The following RTN4 variants were observed in gnomAD, a reference collection of about 807,000 sequenced individuals.
The protein encoded by RTN4 is reticulon 4, also known as reticulon-4.
RTN4 carries 32 observed loss-of-function variants against 90.4 expected under a neutral mutation model. The observed-to-expected ratio is 0.35, with a 90% confidence interval of 0.27 to 0.48. RTN4 has a LOEUF of 0.48. RTN4 is among the 20% of genes least tolerant of loss of function. The pLI, the probability that RTN4 is intolerant of heterozygous loss-of-function variation, is 0.99. For missense variants in RTN4, 1,706 were observed against 1,430.2 expected (o/e 1.19, Z -3.11); for synonymous variants, 629 against 552.5 (o/e 1.14, Z -1.94).
rs1228200642 is a variant in RTN4 at position 55,027,492 on chromosome 2, C to T, written c.614-7G>A. ...TCCTTCAAGTCCATATTTTCTGTGA[C>T]CATGGACAGAAAGGAAAGTTAGAGA... On this transcript the variant is annotated splice_polypyrimidine_tract_variant and splice_region_variant and intron_variant, in intron 2 of 8. Coordinates refer to ENST00000337526, the MANE Select transcript of RTN4 (RefSeq NM_020532.5). 2 of 1,583,818 alleles carry T rather than the reference C, an allele frequency of 1.3e-6. No homozygotes were observed. Among genetic ancestry groups the T allele is most frequent in the Non-Finnish European group, 1.7e-6 (2 of 1,167,320 alleles).
chr2:55,136,886 G>T, the RTN4 span, among the ~76,000 whole-genome samples: 1 of 152,190 alleles, frequency 6.6e-6, no homozygotes, highest in South Asian at 2.1e-4. Context: ...CCTGGGCCAG[G>T]TACAGAGTGG....
chr2:55,026,491 T>C lies in RTN4; in HGVS notation c.1608A>G (p.Thr536=), dbSNP rs771909642. The C allele has an allele frequency of 1.2e-6, 2 of 1,613,990 alleles. No individual in the cohort carries two copies. Among genetic ancestry groups the C allele is most frequent in the Non-Finnish European group, 1.7e-6 (2 of 1,179,932 alleles). The stretch of plus-strand genomic sequence containing the variant: ...TTGCCACGACTTCCTCAGTCACCTT[T>C]GTTAAATTATCTGTTGTGACATAAT... ...ETDYVTTDNL[T]KVTEEVVANM... The change falls in exon 3 of 9, where the codon ACA becomes ACG. Residue 536 remains threonine, a synonymous_variant. Transcript: ENST00000337526.
chr2:55,098,221 G>A (rs1424554575), intron 1 of RTN4, among the ~76,000 whole-genome samples: 1 of 152,100 alleles, frequency 6.6e-6, no homozygotes, highest in Non-Finnish European at 1.5e-5. Context: ...CTGGTGTTTA[G>A]TAAATGTTTG....
At position 55,025,707 on chromosome 2, in the gene RTN4, G is replaced by C. The variant is rs930108444; in HGVS notation, c.2392C>G (p.Pro798Ala). ...LSALPPEGGK[P>A]YLESFKLSLD... ...CTGAGCTTAAAAGATTCCAAATATG[G>C]CTTTCCTCCCTCAGGTGGCAAAGCA... Residue 798 changes from proline to alanine, a missense_variant, in exon 3 of 9, where the codon CCA becomes GCA. Coordinates refer to ENST00000337526, the MANE Select transcript of RTN4 (RefSeq NM_020532.5). The C allele has an allele frequency of 1.2e-6, 2 of 1,613,712 alleles. No individual in the cohort carries two copies. Among genetic ancestry groups the C allele is most frequent in the Non-Finnish European group, 1.7e-6 (2 of 1,179,804 alleles).
chr2:55,115,359 T>C (rs939950829), upstream of RTN4, among the ~76,000 whole-genome samples: 8 of 152,358 alleles, frequency 5.3e-5, no homozygotes, highest in African/African-American at 1.9e-4. Flanking sequence ...CAATAGCTGG[T>C]TGAGTCTTTC....
chr2:55,102,652 G>A (rs1448048700), intron 1 of RTN4, among the ~76,000 whole-genome samples: 4 of 152,058 alleles, frequency 2.6e-5, no homozygotes, highest in Non-Finnish European at 5.9e-5. Flanking sequence ...GCCAGTGCAT[G>A]GTGCTTGGGA....
intron 1 of RTN4, among the ~76,000 whole-genome samples, chr2:55,098,503 C>T (rs7595814): frequency 6.6e-6 from 1 of 152,122 alleles, no homozygotes; most frequent in South Asian, 2.1e-4. Flanking sequence ...AACTCCATTG[C>T]ATATTATTTT....
intron 2 of RTN4, among the ~76,000 whole-genome samples, chr2:55,068,468 G>A (rs1668432136): frequency 6.6e-6 from 1 of 152,132 alleles, no homozygotes; most frequent in African/African-American, 2.4e-5. Flanking sequence ...CATACTCACA[G>A]TGGTGAATAC....
At chr2:55,033,468 A>T (rs1289138014) in intron 1 of RTN4, among the ~76,000 whole-genome samples, 2 of 152,186 alleles carry the variant, frequency 1.3e-5, no homozygotes, top group Non-Finnish European at 1.5e-5. Context: ...GGCAAACCAG[A>T]GCGGGTCATC....
At chr2:55,046,500 CCTGT>C (rs1271493095) in intron 1 of RTN4, among the ~76,000 whole-genome samples, 1 of 152,158 alleles carries the variant, frequency 6.6e-6, no homozygotes, top group Non-Finnish European at 1.5e-5. Context: ...ACCTTCTAAG[CCTGT>C]CTTAGTGTCA....
chr2:55,050,327 G>A lies in RTN4; in HGVS notation c.-27C>T. ...GCTGGAGGGTGGAGATGATGCTGCA[G>A]CTGCTGCCGCCGCCGCCGGGGCCGC... On this transcript the variant is annotated 5_prime_UTR_variant, in exon 1 of 9. Transcript: ENST00000337526. The surrounding 1 kb of genome is among the most constrained non-coding windows in gnomAD (Gnocchi z 4.6). 3 of 1,361,814 alleles carry A rather than the reference G, an allele frequency of 2.2e-6. No individual in the cohort carries two copies. Among genetic ancestry groups the A allele is most frequent in the South Asian group, 3.6e-5 (2 of 55,214 alleles). The allele number at this position is 1,361,814 out of a possible 1,614,324, so 84.4% of individuals were successfully genotyped here. A position where few individuals can be genotyped will look rare whatever the true frequency, so the allele number is the denominator to read the frequency against.
At position 55,025,221 on chromosome 2, in the gene RTN4, T is replaced by G; in HGVS notation, c.2878A>C (p.Thr960Pro). The G allele has an allele frequency of 6.2e-7, 1 of 1,613,846 alleles. No homozygotes were observed. Among genetic ancestry groups the G allele is most frequent in the Non-Finnish European group, 8.5e-7 (1 of 1,179,824 alleles). Residue 960 changes from threonine to proline, a missense_variant, in exon 3 of 9, where the codon ACT becomes CCT. Transcript: ENST00000337526. The stretch of plus-strand genomic sequence containing the variant: ...ACTATGCTCTCTATCTCTGCTTGAG[T>G]GGCCAAAGCAGAAACATCTGGAGGC... The part of the protein sequence containing the change: ...LLPPDVSALA[T>P]QAEIESIVKP...
rs535551393 is a variant in RTN4, at chr2:54,980,756, T to A, written c.3360+1759A>T. On this transcript the variant is annotated intron_variant, in intron 5 of 8. Coordinates refer to ENST00000337526, the MANE Select transcript of RTN4 (RefSeq NM_020532.5). ...GCTGTTTGAAGCTCTGAATTACTAC[T>A]TACAGACAGTATTTCTTCTCAGTCA... Among the ~76,000 whole-genome samples, 3 of 152,224 alleles carry A rather than the reference T, an allele frequency of 2.0e-5. No individual in the cohort carries two copies. The South Asian group carries it at 6.2e-4, about 32-fold the overall frequency.
At chr2:55,017,666 A>C (rs576529618) in intron 3 of RTN4, among the ~76,000 whole-genome samples, 1 of 152,326 alleles carries the variant, frequency 6.6e-6, no homozygotes, top group African/African-American at 2.4e-5. Flanking sequence ...AGGAAACATG[A>C]GCACCTTTCT....
chr2:55,117,099 C>A (rs1453477719), upstream of RTN4, among the ~76,000 whole-genome samples: 4 of 152,112 alleles, frequency 2.6e-5, no homozygotes, highest in East Asian at 5.8e-4. Flanking sequence ...GTCTTGAACT[C>A]CTGACCCCAA....
At chr2:55,042,430 T>TC (rs1184518096) in intron 1 of RTN4, among the ~76,000 whole-genome samples, 2 of 152,078 alleles carry the variant, frequency 1.3e-5, no homozygotes, top group African/African-American at 4.8e-5. Flanking sequence ...ATATGGTACA[T>TC]CCCCAGAGTC....
At chr2:55,064,877 A>G (rs760765019) in intron 2 of RTN4, among the ~76,000 whole-genome samples, 14 of 152,178 alleles carry the variant, frequency 9.2e-5, no homozygotes, top group South Asian at 2.1e-4. Context: ...TTTCCCTAAC[A>G]TAACTTTCCT....
intron 3 of RTN4, among the ~76,000 whole-genome samples, chr2:55,013,187 G>A (rs1436607809): frequency 2.0e-5 from 3 of 152,076 alleles, no homozygotes; most frequent in African/African-American, 7.2e-5. Context: ...TTCATATTGT[G>A]TGTTTGTGGA....
At chr2:54,997,672 A>T (rs1443826621) in intron 3 of RTN4, among the ~76,000 whole-genome samples, 2 of 152,230 alleles carry the variant, frequency 1.3e-5, no homozygotes, top group Non-Finnish European at 2.9e-5. Flanking sequence ...TTATTAGGCC[A>T]TAAAACGAAA....
Sources: allele counts gnomAD v4.1 joint callset (sites outside exome capture counted in the v4.1 genomes callset), GRCh38; gene constraint gnomAD v4.1.1; non-coding constraint Gnocchi (gnomAD v3.1); transcripts MANE v1.5; gene names NCBI Gene and HGNC (gene_info 2026-07-23, HGNC 2026-07-21).